Variants in ZNF532 observed in about 807,000 individuals in gnomAD.
ZNF532 encodes the protein zinc finger protein 532.
In ZNF532, 22 loss-of-function variants were observed where a neutral mutation model predicts 89.3. That is an observed-to-expected ratio of 0.25 (90% confidence interval 0.18 to 0.35). The LOEUF (loss-of-function observed/expected upper bound fraction) is 0.35. Ranked by LOEUF, ZNF532 falls within the 10% of genes least tolerant of loss-of-function variation. The pLI, the probability that ZNF532 is intolerant of heterozygous loss-of-function variation, is 1.00. For synonymous variants in ZNF532, 606 were observed against 649.6 expected, an observed-to-expected ratio of 0.93 and a Z score of 1.02; for missense variants, 1,132 against 1,643.4, an observed-to-expected ratio of 0.69 and a Z score of 5.38.
intron 3 of ZNF532, among the ~76,000 whole-genome samples, chr18:58,927,434 G>T (rs1276946130): frequency 6.8e-6 from 1 of 147,178 alleles, no homozygotes; most frequent in East Asian, 2.0e-4. Flanking sequence ...ACAGAGCACA[G>T]GCTTTTCTTG....
At chr18:58,882,374 T>C (rs141098327) in intron 2 of ZNF532, among the ~76,000 whole-genome samples, 56 of 152,224 alleles carry the variant, frequency 3.7e-4, no homozygotes, top group African/African-American at 1.3e-3. Flanking sequence ...GTCAGGAAAA[T>C]GGGCTGGAAG....
At chr18:58,947,967 C>G (rs2146907473) in intron 5 of ZNF532, 100 bp from the exon 6 acceptor site, 2 of 1,127,604 alleles carry the variant, frequency 1.8e-6, no homozygotes, top group East Asian at 5.0e-5. Flanking sequence ...TGTGTGTTCT[C>G]AATGTGCCTC....
chr18:58,886,037 C>T (rs988888477), intron 2 of ZNF532, among the ~76,000 whole-genome samples: 6 of 151,964 alleles, frequency 3.9e-5, no homozygotes, highest in African/African-American at 4.8e-5. Context: ...TGTGTAGTGG[C>T]GCCATCTCAG....
At chr18:58,934,382 T>A (rs761229780) in intron 3 of ZNF532, 51 bp from the exon 4 acceptor site, 3 of 1,533,294 alleles carry the variant, frequency 2.0e-6, no homozygotes, top group African/African-American at 1.4e-5. Flanking sequence ...TCTTTGCATA[T>A]TAGAAAGTAC....
In ZNF532 at chr18:58,934,552, G is replaced by C. The variant is rs777136355; in HGVS notation, c.2466G>C (p.Ser822=). The C allele has an allele frequency of 1.2e-6, 2 of 1,614,118 alleles. No homozygotes were observed. ...TCPECGAICR[S]VHFQTHVTKN... ...CTGAGTGTGGGGCCATCTGCAGGTC[G>C]GTGCACTTCCAGACCCACGTCACCA... The change falls in exon 4 of 10, where the codon TCG becomes TCC. Residue 822 remains serine, a synonymous_variant. Coordinates refer to ENST00000591808, the MANE Select transcript of ZNF532 (RefSeq NM_001375912.1).
intron 2 of ZNF532, among the ~76,000 whole-genome samples, chr18:58,902,253 G>A (rs550431800): frequency 1.8e-4 from 27 of 152,308 alleles, no homozygotes; most frequent in Non-Finnish European, 3.7e-4. Context: ...TAAGATCATA[G>A]CCCATCTTTG....
At chr18:58,865,800 A>C (rs1305177159) in intron 2 of ZNF532, among the ~76,000 whole-genome samples, 1 of 152,162 alleles carries the variant, frequency 6.6e-6, no homozygotes, top group African/African-American at 2.4e-5. Context: ...GTGTCTGGGC[A>C]ATTGGGAGAG....
chr18:58,946,292 T>G (rs1367853489), intron 5 of ZNF532, among the ~76,000 whole-genome samples: 6 of 25,806 alleles, frequency 2.3e-4, no homozygotes, highest in African/African-American at 8.1e-4. Flanking sequence ...CTTCATATAG[T>G]TTTTTTTTTT....
intron 6 of ZNF532, 115 bp downstream of exon 6, chr18:58,948,344 G>A: frequency 9.1e-7 from 1 of 1,104,390 alleles, no homozygotes. Context: ...GGGAAGGGAT[G>A]GATGCTGGTC....
At chr18:58,888,893 A>ATATATATATATAT (rs2058678884) in intron 2 of ZNF532, among the ~76,000 whole-genome samples, 1 of 52,460 alleles carries the variant, frequency 1.9e-5, no homozygotes, top group African/African-American at 1.2e-4. Flanking sequence ...TATATATTTT[A>ATATATATATATAT]TATATATATA....
chr18:58,976,829 A>T (rs1008654770), intron 7 of ZNF532, among the ~76,000 whole-genome samples: 2 of 152,178 alleles, frequency 1.3e-5, no homozygotes, highest in Non-Finnish European at 2.9e-5. Flanking sequence ...GTTGATTTTT[A>T]TATGTAGAAA....
At chr18:58,945,655 T>C (rs534064412) in intron 5 of ZNF532, among the ~76,000 whole-genome samples, 44 of 152,330 alleles carry the variant, frequency 2.9e-4, no homozygotes, top group African/African-American at 9.9e-4. Context: ...AATGTGAAAA[T>C]TGAGTTCTCA....
At chr18:58,888,892 T>A (rs1370222401) in intron 2 of ZNF532, among the ~76,000 whole-genome samples, 3 of 30,314 alleles carry the variant, frequency 9.9e-5, no homozygotes, top group Non-Finnish European at 1.5e-4. Flanking sequence ...ATATATATTT[T>A]ATATATATAT....
At chr18:58,951,906 C>T (rs951073876) in intron 6 of ZNF532, among the ~76,000 whole-genome samples, 4 of 152,180 alleles carry the variant, frequency 2.6e-5, no homozygotes, top group Non-Finnish European at 5.9e-5. Flanking sequence ...GCCTCGGCCT[C>T]CCAAAGTGCT....
chr18:58,980,382 G>A (rs540498592), intron 8 of ZNF532: 2 of 152,294 alleles, frequency 1.3e-5, no homozygotes, highest in African/African-American at 4.8e-5. Context: ...GTAAAATGCT[G>A]GGATTGTTCT....
intron 7 of ZNF532, among the ~76,000 whole-genome samples, chr18:58,978,145 T>A (rs1193210804): frequency 1.3e-5 from 2 of 152,212 alleles, no homozygotes; most frequent in African/African-American, 4.8e-5. Context: ...CTTTTAAATA[T>A]AAGGAAATTC....
At chr18:58,878,060 G>A (rs1410791998) in intron 2 of ZNF532, among the ~76,000 whole-genome samples, 1 of 152,140 alleles carries the variant, frequency 6.6e-6, no homozygotes, top group Non-Finnish European at 1.5e-5. Flanking sequence ...TTCGAGACCA[G>A]TCTGGCCAAC....
intron 3 of ZNF532, among the ~76,000 whole-genome samples, chr18:58,929,644 G>C (rs1458771715): frequency 1.3e-5 from 2 of 152,200 alleles, no homozygotes; most frequent in Admixed American, 1.3e-4. Flanking sequence ...TAGATGATAT[G>C]TGTTGGCCAT....
intron 2 of ZNF532, among the ~76,000 whole-genome samples, chr18:58,893,470 G>A (rs1288975968): frequency 6.6e-6 from 1 of 151,858 alleles, no homozygotes; most frequent in African/African-American, 2.4e-5. Context: ...GGGCAACATG[G>A]CTGTGGCGAA....
Sources: allele counts gnomAD v4.1 joint callset (sites outside exome capture counted in the v4.1 genomes callset), GRCh38; gene constraint gnomAD v4.1.1; transcripts MANE v1.5; gene names NCBI Gene and HGNC (gene_info 2026-07-23, HGNC 2026-07-21).